MAP3K20: variants seen among roughly 807,000 people sequenced by gnomAD.
The protein encoded by MAP3K20 is HCCS-4.
A neutral mutation model predicts 85.7 loss-of-function variants in MAP3K20; 40 were observed. The ratio of observed to expected loss-of-function variants is 0.47; its 90% confidence interval spans 0.36 to 0.61. The LOEUF is 0.61. Among genes scored for constraint, MAP3K20 ranks in the 20% least tolerant of loss-of-function variants. The probability of loss-of-function intolerance (pLI) is 0.00; values close to 1 mark genes in which losing one functional copy is unlikely to be tolerated. For missense variants in MAP3K20, 817 were observed against 961.7 expected (o/e 0.85, Z 1.99); for synonymous variants, 325 against 327.7 (o/e 0.99, Z 0.09).
intron 16 of MAP3K20, among the ~76,000 whole-genome samples, chr2:173,249,027 T>C (rs1684985478): frequency 6.6e-6 from 1 of 152,226 alleles, no homozygotes; most frequent in South Asian, 2.1e-4. Context: ...TTGTCTCATT[T>C]TGTCATATTG....
intron 2 of MAP3K20, among the ~76,000 whole-genome samples, chr2:173,156,580 A>G (rs1343355246): frequency 1.3e-5 from 2 of 152,134 alleles, no homozygotes; most frequent in Non-Finnish European, 2.9e-5. Flanking sequence ...AGATTCTCAT[A>G]AAGACCGTGC....
At chr2:173,228,496 A>T (rs780940776) in intron 11 of MAP3K20, among the ~76,000 whole-genome samples, 1 of 152,102 alleles carries the variant, frequency 6.6e-6, no homozygotes, top group Non-Finnish European at 1.5e-5. Context: ...TGAACTCTAT[A>T]CCAGAGAACT....
chr2:173,198,411 C>T lies in MAP3K20; in HGVS notation c.669+299C>T, dbSNP rs994642833. On this transcript the variant is annotated intron_variant, in intron 8 of 19. Coordinates refer to ENST00000375213, the MANE Select transcript of MAP3K20 (RefSeq NM_016653.3). The surrounding 1 kb of genome is among the most constrained non-coding windows in gnomAD (Gnocchi z 5.8). ...TTCTTAGTGATGAAAGAAGCCATTGCGTCCAAGGTAGGGGAACAGTTTAAC... is the reference window on the plus strand; with the variant it reads ...TTCTTAGTGATGAAAGAAGCCATTGTGTCCAAGGTAGGGGAACAGTTTAAC... 1.6e-5 allele frequency: 3 copies of T among 190,456 alleles called. No individual in the cohort carries two copies. The highest frequency in any genetic ancestry group is 3.2e-5 in the Non-Finnish European group (3 of 92,352). 11.8% of individuals were successfully genotyped at this position (190,456 alleles called of 1,614,324 possible).
intron 9 of MAP3K20, chr2:173,207,807 G>C (rs1427819772): frequency 6.7e-6 from 1 of 150,126 alleles, no homozygotes; most frequent in Non-Finnish European, 1.5e-5. Flanking sequence ...TAAGATCCTA[G>C]ACAAAGTGTT....
At chr2:173,178,796 A>G (rs1465917607) in intron 3 of MAP3K20, among the ~76,000 whole-genome samples, 1 of 152,216 alleles carries the variant, frequency 6.6e-6, no homozygotes, top group Non-Finnish European at 1.5e-5. Flanking sequence ...CCAATATTCT[A>G]TATGAACAAG....
At chr2:173,077,315 A>T (rs947411569) in intron 1 of MAP3K20, among the ~76,000 whole-genome samples, 1 of 149,150 alleles carries the variant, frequency 6.7e-6, no homozygotes, top group African/African-American at 2.5e-5. Context: ...ATTCAAGGCT[A>T]GTTAATGTCC....
At chr2:173,225,459 T>G (rs1173555088) in intron 11 of MAP3K20, 1 of 428,108 alleles carries the variant, frequency 2.3e-6, no homozygotes, top group Non-Finnish European at 3.1e-6. Context: ...CTGGGTGTGG[T>G]GTCACATGCC....
At position 173,144,324 on chromosome 2, in the gene MAP3K20, G is replaced by A. The variant is rs374689739; in HGVS notation, c.160-25481G>A. ...TAAAAATACAAAAAATTAGCCGGGC[G>A]TGGTGGTGGGCACCTGTAGTCCCAG... On this transcript the variant is annotated intron_variant, in intron 2 of 19. Transcript: ENST00000375213. 4.4e-3 allele frequency among the ~76,000 whole-genome samples: 668 copies of A among 151,842 alleles called. 4 individuals are homozygous for A. Among genetic ancestry groups the A allele is most frequent in the African/African-American group, 0.014 (568 of 41,448 alleles).
chr2:173,148,737 GC>G (rs1339582721), intron 2 of MAP3K20, among the ~76,000 whole-genome samples: 2 of 152,194 alleles, frequency 1.3e-5, no homozygotes, highest in Non-Finnish European at 2.9e-5. Flanking sequence ...TTGTTATTTT[GC>G]TGATCTCTAT....
intron 2 of MAP3K20, among the ~76,000 whole-genome samples, chr2:173,099,272 T>TCTTC (rs148494279): frequency 6.8e-6 from 1 of 147,080 alleles, no homozygotes. Flanking sequence ...CTTTTTTTTT[T>TCTTC]CTTCCTTCCT....
At chr2:173,205,550 G>A (rs1484206891) in intron 9 of MAP3K20, among the ~76,000 whole-genome samples, 2 of 152,152 alleles carry the variant, frequency 1.3e-5, no homozygotes, top group Admixed American at 6.5e-5. Context: ...AGGGACCAGT[G>A]CCATGAAGCC....
At chr2:173,224,503 A>G (rs986036575) in intron 11 of MAP3K20, 1 of 985,386 alleles carries the variant, frequency 1.0e-6, no homozygotes, top group East Asian at 1.1e-4. Context: ...TAATTAGGTA[A>G]TATTTTCCTC....
At chr2:173,212,051 T>C (rs1683915472) in intron 10 of MAP3K20, 1 of 152,164 alleles carries the variant, frequency 6.6e-6, no homozygotes, top group African/African-American at 2.4e-5. Flanking sequence ...GCTCCGTAAA[T>C]ATTTGGGGAA....
intron 11 of MAP3K20, chr2:173,224,671 T>C: frequency 8.1e-6 from 8 of 985,420 alleles, no homozygotes; most frequent in Non-Finnish European, 9.6e-6. Flanking sequence ...TATTGATCAT[T>C]ACCACGTGAC....
chr2:173,239,637 T>A, intron 16 of MAP3K20, 141 bp downstream of exon 16: 1 of 754,706 alleles, frequency 1.3e-6, no homozygotes, highest in Non-Finnish European at 2.0e-6. Context: ...AAATAGAATT[T>A]AGCTGAAAGG....
intron 16 of MAP3K20, among the ~76,000 whole-genome samples, chr2:173,242,102 G>A (rs982000363): frequency 1.3e-5 from 2 of 151,934 alleles, no homozygotes; most frequent in African/African-American, 2.4e-5. Context: ...GTTATGGCTT[G>A]TAGGTGGTAA....
chr2:173,242,502 A>T (rs1684811840), intron 16 of MAP3K20, among the ~76,000 whole-genome samples: 1 of 152,122 alleles, frequency 6.6e-6, no homozygotes, highest in East Asian at 1.9e-4. Flanking sequence ...GAAATAATTT[A>T]TTAATAATGG....
intron 1 of MAP3K20, among the ~76,000 whole-genome samples, chr2:173,087,897 G>A (rs1487281212): frequency 2.6e-5 from 4 of 152,058 alleles, no homozygotes; most frequent in Non-Finnish European, 2.9e-5. Flanking sequence ...GGGAAGATGC[G>A]AAATCCAAAG....
chr2:173,264,431 A>C (rs1461720060), intron 19 of MAP3K20, among the ~76,000 whole-genome samples: 1 of 152,090 alleles, frequency 6.6e-6, no homozygotes, highest in African/African-American at 2.4e-5. Flanking sequence ...TCATCACACA[A>C]AGATATCACA....
Sources: allele counts gnomAD v4.1 joint callset (sites outside exome capture counted in the v4.1 genomes callset), GRCh38; gene constraint gnomAD v4.1.1; non-coding constraint Gnocchi (gnomAD v3.1); transcripts MANE v1.5; gene names NCBI Gene and HGNC (gene_info 2026-07-23, HGNC 2026-07-21).